MAST4: variants seen among roughly 807,000 people sequenced by gnomAD.
MAST4 encodes the protein microtubule associated serine/threonine kinase family member 4, also known as microtubule-associated serine/threonine-protein kinase 4.
MAST4 carries 89 observed loss-of-function variants against 162.7 expected under a neutral mutation model. The observed-to-expected ratio is 0.55, with a 90% CI of 0.46 to 0.65. MAST4 has a LOEUF of 0.65. MAST4 is among the 30% of genes least tolerant of loss of function. MAST4 has a pLI of 0.00. For missense variants in MAST4, 3,153 were observed against 3,374.0 expected, an observed-to-expected ratio of 0.93 and a Z score of 1.62; for synonymous variants, 1,479 against 1,361.1, an observed-to-expected ratio of 1.09 and a Z score of -1.91.
Position 67,165,396 on chromosome 5 carries a change from G to T in MAST4, c.6217G>T (p.Gly2073Cys), listed in dbSNP as rs1561208392. 10 of 1,613,834 alleles carry T rather than the reference G, an allele frequency of 6.2e-6. 1 individual carries two copies. In the Middle Eastern group the frequency reaches 1.5e-3, roughly 240 times the overall value. ...SAGIPCEKELGKVRRGVEPKP... is the reference protein window; with the variant it reads ...SAGIPCEKELCKVRRGVEPKP... ...TGGAATTCCCTGTGAGAAGGAGCTG[G>T]GCAAGGTGAGGCGTGGCGTGGAACC... The change falls in exon 29 of 29, where the codon GGC becomes TGC. Residue 2073 changes from glycine to cysteine, a missense_variant. This residue lies in a region of MAST4 where 1,644 missense variants were observed against 1,495.0 expected (regional missense o/e 1.10). Transcript: ENST00000403625.
chr5:66,835,301 CATA>C (rs1757888110), intron 3 of MAST4, among the ~76,000 whole-genome samples: 1 of 152,188 alleles, frequency 6.6e-6, no homozygotes, highest in African/African-American at 2.4e-5. Context: ...CTTTTAATCA[CATA>C]ATGAGAGCTG....
intron 14 of MAST4, 49 bp from the exon 15 acceptor site, chr5:67,130,160 TC>T: frequency 6.6e-7 from 1 of 1,526,600 alleles, no homozygotes. Context: ...CCCCAAAACA[TC>T]CTTACTTTCT....
intron 6 of MAST4, 62 bp from the exon 7 acceptor site, chr5:67,095,535 C>T: frequency 7.8e-7 from 1 of 1,289,102 alleles, no homozygotes; most frequent in Non-Finnish European, 1.1e-6. Flanking sequence ...ACTTAGTTTC[C>T]CTGGGGTTCC....
intron 3 of MAST4, among the ~76,000 whole-genome samples, chr5:66,876,959 A>G (rs1316553194): frequency 1.3e-5 from 2 of 152,236 alleles, no homozygotes; most frequent in African/African-American, 4.8e-5. Context: ...CTGCAGTATC[A>G]TACTTTTAAT....
intron 4 of MAST4, among the ~76,000 whole-genome samples, chr5:66,922,769 G>GA (rs559107232): frequency 6.6e-6 from 1 of 151,846 alleles, no homozygotes; most frequent in Non-Finnish European, 1.5e-5. Context: ...ATTCAGTAGT[G>GA]AAAAAAAAGT....
At chr5:67,142,336 A>C in intron 20 of MAST4, 85 bp from the exon 21 acceptor site, 1 of 1,533,298 alleles carries the variant, frequency 6.5e-7, no homozygotes, top group Non-Finnish European at 8.9e-7. Context: ...TCTTAAACAT[A>C]ATGTTGATCC....
At chr5:66,825,805 A>G (rs1297042475) in intron 3 of MAST4, among the ~76,000 whole-genome samples, 3 of 152,208 alleles carry the variant, frequency 2.0e-5, no homozygotes, top group African/African-American at 7.2e-5. Context: ...TTAGATTACA[A>G]TTAATGACAA....
At chr5:67,130,637 G>T (rs970131941) in intron 15 of MAST4, among the ~76,000 whole-genome samples, 30 of 152,132 alleles carry the variant, frequency 2.0e-4, no homozygotes, top group African/African-American at 6.3e-4. Context: ...CTGGAAAAAG[G>T]TTATCTTTTT....
intron 7 of MAST4, among the ~76,000 whole-genome samples, chr5:67,096,305 T>G (rs1223267604): frequency 6.6e-6 from 1 of 152,166 alleles, no homozygotes; most frequent in Non-Finnish European, 1.5e-5. Context: ...TGGAAACAAC[T>G]CAGTAGGTTA....
intron 2 of MAST4, among the ~76,000 whole-genome samples, chr5:66,764,235 A>C (rs1329239889): frequency 6.6e-6 from 1 of 152,112 alleles, no homozygotes; most frequent in Non-Finnish European, 1.5e-5. Flanking sequence ...GATTTGTTCT[A>C]TGTGTCTACC....
intron 3 of MAST4, among the ~76,000 whole-genome samples, chr5:66,820,909 G>A (rs1306006948): frequency 6.6e-6 from 1 of 152,150 alleles, no homozygotes; most frequent in Non-Finnish European, 1.5e-5. Flanking sequence ...TGATGCAAAC[G>A]TCAAGGCAAT....
intron 3 of MAST4, among the ~76,000 whole-genome samples, chr5:66,847,940 G>T (rs971891369): frequency 6.6e-6 from 1 of 151,924 alleles, no homozygotes; most frequent in African/African-American, 2.4e-5. Flanking sequence ...CCAAGACTTG[G>T]AAAGAAATCA....
intron 3 of MAST4, among the ~76,000 whole-genome samples, chr5:66,872,565 A>G (rs569767089): frequency 5.9e-5 from 9 of 152,306 alleles, no homozygotes; most frequent in African/African-American, 1.9e-4. Context: ...ACATTCATTA[A>G]GTGTCTAGGG....
chr5:66,803,268 T>C (rs776060478), intron 3 of MAST4, among the ~76,000 whole-genome samples: 1 of 152,230 alleles, frequency 6.6e-6, no homozygotes, highest in Non-Finnish European at 1.5e-5. Context: ...CCTGTGCCAA[T>C]GTCACACTTC....
At chr5:67,071,684 C>A (rs752742758) in intron 5 of MAST4, among the ~76,000 whole-genome samples, 1 of 152,226 alleles carries the variant, frequency 6.6e-6, no homozygotes, top group South Asian at 2.1e-4. Flanking sequence ...TGCTTGAACA[C>A]GGGAGGCGAA....
intron 1 of MAST4, among the ~76,000 whole-genome samples, chr5:66,659,868 C>G (rs1381924754): frequency 1.3e-5 from 2 of 152,178 alleles, no homozygotes; most frequent in Non-Finnish European, 2.9e-5. Flanking sequence ...TTCTGGGTAT[C>G]TTAGGATGAG....
chr5:66,994,746 G>GT (rs1750440598), intron 4 of MAST4, among the ~76,000 whole-genome samples: 1 of 152,194 alleles, frequency 6.6e-6, no homozygotes, highest in South Asian at 2.1e-4. Flanking sequence ...GAAATAACAA[G>GT]TTAGGGTGTT....
At chr5:66,934,265 T>A (rs547225788) in intron 4 of MAST4, among the ~76,000 whole-genome samples, 76 of 151,936 alleles carry the variant, frequency 5.0e-4, no homozygotes, top group African/African-American at 1.8e-3. Flanking sequence ...GGTATAGTTA[T>A]CATAGGCAAT....
In MAST4 at chr5:66,845,126, T is replaced by TACACACACAC. The variant is rs1554058478; in HGVS notation, c.643-54822_643-54813dup. On this transcript the variant is annotated intron_variant, in intron 3 of 28. Transcript: ENST00000403625. ...ATATATATATATATATATATATATA[T>TACACACACAC]ACACACACACACTTGAAGTTCTAGG... is the stretch of plus-strand genomic sequence containing the variant. Among the ~76,000 whole-genome samples the TACACACACAC allele has an allele frequency of 1.9e-4, 13 of 67,170 alleles. No homozygotes were observed. In the South Asian group the frequency reaches 2.7e-3, roughly 14 times the overall value. 44.1% of individuals were successfully genotyped at this position (67,170 alleles called of 152,430 possible).
Sources: allele counts gnomAD v4.1 joint callset (sites outside exome capture counted in the v4.1 genomes callset), GRCh38; gene constraint gnomAD v4.1.1; regional missense constraint gnomAD v4.1.1; transcripts MANE v1.5; gene names NCBI Gene and HGNC (gene_info 2026-07-23, HGNC 2026-07-21).